RAF1: variants seen among roughly 807,000 people sequenced by gnomAD.
RAF1 encodes RAF proto-oncogene serine/threonine-protein kinase.
Under a neutral mutation model 81.1 loss-of-function variants are expected in RAF1, and 27 were observed. The ratio of observed to expected loss-of-function variants is 0.33; its 90% confidence interval spans 0.25 to 0.46. RAF1 has a LOEUF of 0.46. Among genes scored for constraint, RAF1 ranks in the 20% least tolerant of loss-of-function variants. The pLI is 1.00. For missense variants in RAF1, 598 were observed against 826.0 expected (o/e 0.72, Z 3.38); for synonymous variants, 298 against 294.0 (o/e 1.01, Z -0.14).
intron 1 of RAF1, among the ~76,000 whole-genome samples, chr3:12,655,357 A>T (rs538839600): frequency 4.7e-4 from 71 of 152,320 alleles, no homozygotes; most frequent in African/African-American, 1.6e-3. Context: ...AAGTGCTGGG[A>T]TTACAGGCAT....
intron 1 of RAF1, among the ~76,000 whole-genome samples, chr3:12,641,767 C>T (rs776730244): frequency 6.6e-6 from 1 of 152,068 alleles, no homozygotes; most frequent in African/African-American, 2.4e-5. Context: ...GCTGGGATTA[C>T]ACATGTGAAC....
At chr3:12,598,700 T>G (rs1313306920) in intron 11 of RAF1, among the ~76,000 whole-genome samples, 1 of 110,294 alleles carries the variant, frequency 9.1e-6, no homozygotes, top group African/African-American at 3.5e-5. Flanking sequence ...TACTCCAGCC[T>G]GGGCAACAGA....
At chr3:12,650,091 A>C (rs1014021603) in intron 1 of RAF1, among the ~76,000 whole-genome samples, 1 of 140,220 alleles carries the variant, frequency 7.1e-6, no homozygotes, top group African/African-American at 2.6e-5. Context: ...GGTCGCATTG[A>C]GCCAAGATCA....
chr3:12,620,930 CAGTTCATTCAGAGTTCAG>C (rs2059540590), intron 1 of RAF1, among the ~76,000 whole-genome samples: 1 of 112,268 alleles, frequency 8.9e-6, no homozygotes, highest in Non-Finnish European at 1.8e-5. Context: ...GTTCAGAGTT[CAGTTCATTCAGAGTTCAG>C]AGTTCAGTTC....
At chr3:12,606,168 T>C (rs774402515) in intron 6 of RAF1, 33 bp downstream of exon 6, 57 of 1,545,834 alleles carry the variant, frequency 3.7e-5, no homozygotes, top group Non-Finnish European at 4.5e-5. Context: ...CCCAAATAAC[T>C]TTCTAAAAGA....
At chr3:12,636,859 G>GCAA (rs1260698285) in intron 1 of RAF1, among the ~76,000 whole-genome samples, 2 of 152,020 alleles carry the variant, frequency 1.3e-5, no homozygotes, top group Non-Finnish European at 2.9e-5. Flanking sequence ...AACAGCAGCG[G>GCAA]CAACAACAGT....
chr3:12,599,631 G>A, intron 11 of RAF1, 60 bp downstream of exon 10: 1 of 1,330,892 alleles, frequency 7.5e-7, no homozygotes, highest in Non-Finnish European at 1.1e-6. Flanking sequence ...GGCCCCCTGG[G>A]CTGAAACTTG....
intron 5 of RAF1, among the ~76,000 whole-genome samples, chr3:12,606,874 A>C (rs2059050271): frequency 6.6e-6 from 1 of 152,014 alleles, no homozygotes; most frequent in South Asian, 2.1e-4. Context: ...TATTTTTAGC[A>C]GAGACGGGGT....
At chr3:12,654,508 G>T (rs2060626036) in intron 1 of RAF1, among the ~76,000 whole-genome samples, 1 of 151,560 alleles carries the variant, frequency 6.6e-6, no homozygotes, top group Non-Finnish European at 1.5e-5. Flanking sequence ...AGGTTCAGGA[G>T]GGAAGATGGC....
At chr3:12,616,864 A>C (rs1233988994) in intron 2 of RAF1, among the ~76,000 whole-genome samples, 4 of 152,200 alleles carry the variant, frequency 2.6e-5, no homozygotes, top group African/African-American at 9.6e-5. Context: ...AAACCAATGC[A>C]ATTTCACTTT....
chr3:12,620,426 T>C (rs982976477), intron 1 of RAF1, among the ~76,000 whole-genome samples: 6 of 152,180 alleles, frequency 3.9e-5, no homozygotes, highest in Non-Finnish European at 8.8e-5. Flanking sequence ...TGAGCCACCG[T>C]GCCCAGCCAG....
chr3:12,586,136 C>T (rs2058326082), intron 14 of RAF1, among the ~76,000 whole-genome samples: 1 of 152,208 alleles, frequency 6.6e-6, no homozygotes, highest in African/African-American at 2.4e-5. Context: ...GAAACCCTAA[C>T]AGGATGAGCA....
Position 12,644,970 on chromosome 3 carries a change from G to A in RAF1, c.-27+18843C>T, listed in dbSNP as rs2060299285. Among the ~76,000 whole-genome samples the A allele has an allele frequency of 3.3e-5, 5 of 151,708 alleles. No homozygotes were observed. In the South Asian group the frequency reaches 6.2e-4, roughly 19 times the overall value. Reference sequence around the variant, plus strand: ...AAATATTAGCTGGGCATGGTGGCACGTGCCTGTAATCCCAGCTACTCGGGA... The same window carrying A: ...AAATATTAGCTGGGCATGGTGGCACATGCCTGTAATCCCAGCTACTCGGGA... On this transcript the variant is annotated intron_variant, in intron 1 of 17. Coordinates refer to ENST00000442415, the MANE Select transcript of RAF1 (RefSeq NM_001354689.3).
intron 1 of RAF1, among the ~76,000 whole-genome samples, chr3:12,634,232 C>T (rs1575631087): frequency 1.3e-5 from 2 of 151,386 alleles, no homozygotes; most frequent in Non-Finnish European, 2.9e-5. Flanking sequence ...CTGCAGCCTC[C>T]GCCTCCCAGG....
intron 1 of RAF1, among the ~76,000 whole-genome samples, chr3:12,656,812 C>T (rs2060708007): frequency 6.6e-6 from 1 of 152,052 alleles, no homozygotes; most frequent in African/African-American, 2.4e-5. Flanking sequence ...GTCTGGCCAA[C>T]ATCATGAAAC....
intron 1 of RAF1, among the ~76,000 whole-genome samples, chr3:12,650,328 A>G (rs1054151402): frequency 6.6e-6 from 1 of 152,096 alleles, no homozygotes; most frequent in Non-Finnish European, 1.5e-5. Context: ...CATCTCAAAA[A>G]AGAAAATATA....
rs755790285 is a variant in RAF1 at position 12,591,768 on chromosome 3, T to G, written c.1193A>C (p.Lys398Thr). ...TTGCTCTGGGGTTGGGTCGACAACC[T>G]TTAGGATCTTTACTGCAACATCTCC... is the stretch of plus-strand genomic sequence containing the variant. Residue 398 changes from lysine to threonine, a missense_variant, in exon 12 of 18, where the codon AAG (lysine) becomes ACG (threonine). Physicochemically the swap from Lys to Thr is moderately conservative, Grantham distance 78. This residue lies in a region of RAF1 where 85 missense variants were observed against 185.6 expected (regional missense o/e 0.46). Transcript: ENST00000442415. 6.2e-7 allele frequency: 1 copy of G among 1,614,120 alleles called. No individual in the cohort carries two copies. Among genetic ancestry groups the G allele is most frequent in the Non-Finnish European group, 8.5e-7 (1 of 1,179,934 alleles).
At chr3:12,626,201 G>A (rs748211581) in intron 1 of RAF1, among the ~76,000 whole-genome samples, 2 of 145,654 alleles carry the variant, frequency 1.4e-5, no homozygotes, top group African/African-American at 2.6e-5. Flanking sequence ...CCAAGATAGC[G>A]CCATTGCACT....
chr3:12,591,923 CA>C, intron 11 of RAF1, 131 bp from the exon 11 acceptor site: 31 of 737,108 alleles, frequency 4.2e-5, no homozygotes, highest in Middle Eastern at 4.9e-4. Context: ...GGCAAATTTC[CA>C]ATTTTTTTTT....
Sources: allele counts gnomAD v4.1 joint callset (sites outside exome capture counted in the v4.1 genomes callset), GRCh38; gene constraint gnomAD v4.1.1; regional missense constraint gnomAD v4.1.1; transcripts MANE v1.5; gene names NCBI Gene and HGNC (gene_info 2026-07-23, HGNC 2026-07-21).